SLC25A43: variants seen among roughly 807,000 people sequenced by gnomAD.
The protein encoded by SLC25A43 is solute carrier family 25, member 43.
Under a neutral mutation model 22.8 loss-of-function variants are expected in SLC25A43, and 10 were observed. The ratio of observed to expected loss-of-function variants is 0.44; its 90% CI spans 0.27 to 0.74. The LOEUF is 0.74. Among genes scored for constraint, SLC25A43 ranks in the 30% least tolerant of loss-of-function variants. The pLI is 0.17. For missense variants in SLC25A43, 233 were observed against 279.1 expected (o/e 0.83, Z 1.18); for synonymous variants, 106 against 121.6 (o/e 0.87, Z 0.84).
At chrX:119,451,832 G>T (rs113806249) in intron 3 of SLC25A43, 177 bp from the exon 4 acceptor site, 9 of 1,074,787 alleles carry the variant, frequency 8.4e-6, no homozygotes, top group Non-Finnish European at 1.1e-5. Flanking sequence ...TGTATTGCAC[G>T]TTAATATCTG....
chrX:119,399,352 G>C lies in SLC25A43; in HGVS notation c.-52G>C. The C allele has an allele frequency of 4.5e-6, 4 of 890,937 alleles. No homozygotes were observed. The South Asian group carries it at 2.3e-4, about 51-fold the overall frequency. 73.4% of individuals were successfully genotyped at this position (890,937 alleles called of 1,213,427 possible). ...GGGCCCGCCACCTCCGCCCGTGGCC[G>C]GAGAGCCCCAGGCCCGAGCCACGCG... On this transcript the variant is annotated 5_prime_UTR_variant, in exon 1 of 5. Transcript: ENST00000217909.
intron 1 of SLC25A43, 119 bp from the exon 2 acceptor site, chrX:119,406,341 G>A: frequency 1.2e-6 from 1 of 851,952 alleles, no homozygotes; most frequent in East Asian, 3.1e-5. Flanking sequence ...TAGTACTATA[G>A]TAACTTTTCA....
At position 119,409,378 on chromosome X, in the gene SLC25A43, C is replaced by T. The variant is rs767383445; in HGVS notation, c.518-812C>T. Among the ~76,000 whole-genome samples, 4 of 107,023 alleles carry T rather than the reference C, an allele frequency of 3.7e-5. No individual in the cohort carries two copies. The East Asian group carries it at 8.8e-4, about 24-fold the overall frequency. 92.9% of individuals were successfully genotyped at this position (107,023 alleles called of 115,157 possible). On this transcript the variant is annotated intron_variant, in intron 2 of 4. Coordinates refer to ENST00000217909, the MANE Select transcript of SLC25A43 (RefSeq NM_145305.3). ...GTATTTTTAGTAGAGATGGAGTTTCCGTTTTAGTAGAGATGGAGTTTAGTA... is the reference window on the plus strand; with the variant it reads ...GTATTTTTAGTAGAGATGGAGTTTCTGTTTTAGTAGAGATGGAGTTTAGTA...
At position 119,453,891 on chromosome X, in the gene SLC25A43, CT is replaced by C. The variant is rs1310487489; in HGVS notation, c.*828del. 8.9e-6 allele frequency: 1 copy of C among 112,327 alleles called. No homozygotes were observed. Among genetic ancestry groups the C allele is most frequent in the Non-Finnish European group, 1.9e-5 (1 of 53,274 alleles). 9.3% of individuals were successfully genotyped at this position (112,327 alleles called of 1,213,427 possible). A position where few individuals can be genotyped will look rare whatever the true frequency, so the allele number is the denominator to read the frequency against. On this transcript the variant is annotated 3_prime_UTR_variant, in exon 5 of 5. Coordinates refer to ENST00000217909, the MANE Select transcript of SLC25A43 (RefSeq NM_145305.3). ...GCACACACCACAGTGTAAATTATGC[CT>C]TATCAGAATCTAAATGAAAATAGCG...
At chrX:119,416,608 T>C (rs2052403981) in intron 3 of SLC25A43, among the ~76,000 whole-genome samples, 1 of 112,839 alleles carries the variant, frequency 8.9e-6, no homozygotes, top group African/African-American at 3.2e-5. Flanking sequence ...GCATTTGTTC[T>C]TCCTGATAAC....
At chrX:119,415,760 G>A (rs2052394748) in intron 3 of SLC25A43, among the ~76,000 whole-genome samples, 1 of 108,075 alleles carries the variant, frequency 9.3e-6, no homozygotes, top group Admixed American at 1.0e-4. Flanking sequence ...CCAGCACTTT[G>A]GGAGTTTGAG....
chrX:119,420,383 A>G (rs1252867397), intron 3 of SLC25A43, among the ~76,000 whole-genome samples: 1 of 106,825 alleles, frequency 9.4e-6, no homozygotes, highest in Non-Finnish European at 1.9e-5. Context: ...TTGTAGCCTC[A>G]ACCTCCCGGG....
At chrX:119,452,492 CA>C (rs376677564) in intron 4 of SLC25A43, among the ~76,000 whole-genome samples, 12,209 of 65,842 alleles carry the variant, frequency 0.19, 651 homozygotes, top group Middle Eastern at 0.23. Flanking sequence ...AACTCCATGA[CA>C]AAAAAAAAAA....
At chrX:119,449,413 CAA>C (rs34141915) in intron 3 of SLC25A43, among the ~76,000 whole-genome samples, 4 of 72,649 alleles carry the variant, frequency 5.5e-5, no homozygotes, top group Admixed American at 1.7e-4. Context: ...GACTCTGTCT[CAA>C]AAAAAAAAAA....
chrX:119,430,337 C>G (rs2052542168), intron 3 of SLC25A43, among the ~76,000 whole-genome samples: 1 of 112,631 alleles, frequency 8.9e-6, no homozygotes, highest in Admixed American at 9.4e-5. Context: ...TGTATTAAAT[C>G]ATTTCATTTT....
intron 3 of SLC25A43, among the ~76,000 whole-genome samples, chrX:119,425,075 A>T (rs1603296996): frequency 1.8e-5 from 2 of 112,169 alleles, no homozygotes; most frequent in Admixed American, 1.9e-4. Flanking sequence ...AAAAAAAAAA[A>T]ATCTTTGGAA....
chrX:119,432,954 C>CAA (rs200206560), intron 3 of SLC25A43, among the ~76,000 whole-genome samples: 2 of 108,559 alleles, frequency 1.8e-5, no homozygotes, highest in East Asian at 5.8e-4. Flanking sequence ...ACTAAAAATA[C>CAA]AAAAAAAATA....
chrX:119,446,615 T>C (rs2052670589), intron 3 of SLC25A43, among the ~76,000 whole-genome samples: 2 of 112,853 alleles, frequency 1.8e-5, no homozygotes, highest in Admixed American at 9.4e-5. Context: ...TGAATTTTGA[T>C]ATTTGTTTTC....
Position 119,449,900 on chromosome X carries a change from T to C in SLC25A43, c.691-2109T>C, listed in dbSNP as rs1257538911. 2.7e-5 allele frequency among the ~76,000 whole-genome samples: 3 copies of C among 110,969 alleles called. No homozygotes were observed. The East Asian group carries it at 8.4e-4, about 31-fold the overall frequency. Reference sequence around the variant, plus strand: ...GATTGCTTGGATAGGGCAGTAAGGGTGGGCGAAATGAAGGAATTCCAGGTT... The same window carrying C: ...GATTGCTTGGATAGGGCAGTAAGGGCGGGCGAAATGAAGGAATTCCAGGTT... On this transcript the variant is annotated intron_variant, in intron 3 of 4. Transcript: ENST00000217909.
At chrX:119,406,045 C>T (rs1377283832) in intron 1 of SLC25A43, among the ~76,000 whole-genome samples, 4 of 110,254 alleles carry the variant, frequency 3.6e-5, no homozygotes, top group African/African-American at 1.3e-4. Flanking sequence ...AAAAAAAAAA[C>T]GTAATTACTG....
intron 3 of SLC25A43, among the ~76,000 whole-genome samples, chrX:119,444,181 T>C (rs1325181482): frequency 1.8e-5 from 2 of 111,854 alleles, no homozygotes; most frequent in African/African-American, 6.5e-5. Flanking sequence ...TAACCTAAAA[T>C]TGTAATAACC....
chrX:119,429,895 C>A (rs1314478991), intron 3 of SLC25A43, among the ~76,000 whole-genome samples: 1 of 112,010 alleles, frequency 8.9e-6, no homozygotes, highest in Non-Finnish European at 1.9e-5. Flanking sequence ...GGATTCTGGC[C>A]AGCAGCATGG....
intron 3 of SLC25A43, among the ~76,000 whole-genome samples, chrX:119,434,993 C>A (rs2052588664): frequency 9.1e-6 from 1 of 110,212 alleles, no homozygotes; most frequent in Non-Finnish European, 1.9e-5. Context: ...CATGCGCCAC[C>A]ACGCCTGGCT....
intron 2 of SLC25A43, among the ~76,000 whole-genome samples, chrX:119,408,836 C>T (rs2052321626): frequency 9.0e-6 from 1 of 110,872 alleles, no homozygotes; most frequent in Admixed American, 9.7e-5. Flanking sequence ...GTAGGGTGCC[C>T]ACTGGGCCAT....
Sources: gnomAD v4.1 joint callset for allele counts (sites outside exome capture counted in the v4.1 genomes callset) on GRCh38, gnomAD v4.1.1 for gene constraint, MANE v1.5 for transcripts, NCBI Gene and HGNC (gene_info 2026-07-23, HGNC 2026-07-21) for gene names.